TGM3: variants seen among roughly 807,000 people sequenced by gnomAD.
TGM3 encodes protein-glutamine gamma-glutamyltransferase E.
Under a neutral mutation model 73.8 loss-of-function variants are expected in TGM3, and 52 were observed. The ratio of observed to expected loss-of-function variants is 0.70; its 90% CI spans 0.56 to 0.89. TGM3 has a LOEUF of 0.89. TGM3 is among the 40% of genes least tolerant of loss of function. The probability of loss-of-function intolerance (pLI) is 0.00; values close to 1 mark genes in which losing one functional copy is unlikely to be tolerated. For missense variants in TGM3, 928 were observed against 909.9 expected (o/e 1.02, Z -0.26); for synonymous variants, 372 against 354.9 (o/e 1.05, Z -0.54).
rs1441127864 is a variant in TGM3, at chr20:2,317,436, T to C, written c.934T>C (p.Tyr312His). The C allele has an allele frequency of 1.9e-6, 3 of 1,614,240 alleles. No individual in the cohort carries two copies. The highest frequency in any genetic ancestry group is 2.5e-6 in the Non-Finnish European group (3 of 1,180,040). Residue 312 changes from tyrosine (Y) to histidine (H), a missense_variant, in exon 7 of 13, where the codon TAC (tyrosine) becomes CAC (histidine). By Grantham distance (83) the Tyr-to-His change is moderately conservative. Transcript: ENST00000381458. The part of the protein sequence containing the change: ...DTDRNLSVDV[Y>H]YDPMGNPLDK... The stretch of plus-strand genomic sequence containing the variant: ...AGACCGAAATCTCAGTGTGGATGTG[T>C]ACTACGACCCCATGGGAAACCCCCT...
Position 2,311,070 on chromosome 20 carries a change from G to A in TGM3, c.481G>A (p.Gly161Ser), listed in dbSNP as rs138092626. Reference sequence around the variant, plus strand: ...AGAAGAGTATGTTCAGGAAGATGCCGGCATCATCTTTGTGGGAAGCACAAA... The same window carrying A: ...AGAAGAGTATGTTCAGGAAGATGCCAGCATCATCTTTGTGGGAAGCACAAA... ...EREEYVQEDA[G>S]IIFVGSTNRI... Residue 161 changes from glycine to serine, a missense_variant, in exon 4 of 13, where the codon GGC becomes AGC. Gly to Ser is a moderately conservative substitution (Grantham distance 56, BLOSUM62 0). Transcript: ENST00000381458. 255 of 1,614,096 alleles carry A rather than the reference G, an allele frequency of 1.6e-4. No homozygotes were observed. Among genetic ancestry groups the A allele is most frequent in the Non-Finnish European group, 2.0e-4 (234 of 1,179,990 alleles).
chr20:2,329,737 C>G (rs1287775126), intron 9 of TGM3, among the ~76,000 whole-genome samples: 1 of 152,128 alleles, frequency 6.6e-6, no homozygotes, highest in Non-Finnish European at 1.5e-5. Flanking sequence ...ATCTCTGAGC[C>G]CTCGCTTCCT....
intron 5 of TGM3, among the ~76,000 whole-genome samples, chr20:2,314,980 A>C (rs2084225525): frequency 6.6e-6 from 1 of 152,148 alleles, no homozygotes; most frequent in South Asian, 2.1e-4. Flanking sequence ...TGAGTCTTAG[A>C]CTGAGCCTGG....
intron 1 of TGM3, among the ~76,000 whole-genome samples, chr20:2,299,968 C>T (rs567199615): frequency 3.3e-5 from 5 of 152,056 alleles, no homozygotes; most frequent in African/African-American, 1.2e-4. Flanking sequence ...TGCTGGCACG[C>T]ACTTGTAGTC....
At chr20:2,296,513 G>A (rs888976230) in intron 1 of TGM3, among the ~76,000 whole-genome samples, 3 of 152,032 alleles carry the variant, frequency 2.0e-5, no homozygotes, top group Non-Finnish European at 4.4e-5. Flanking sequence ...GAGTGAGAGT[G>A]GTAACATGTA....
intron 1 of TGM3, among the ~76,000 whole-genome samples, chr20:2,302,220 G>A (rs1057313825): frequency 1.1e-4 from 17 of 152,088 alleles, no homozygotes; most frequent in East Asian, 3.9e-4. Flanking sequence ...CACACCCAGC[G>A]ACCAAGTCAT....
Position 2,339,896 on chromosome 20 carries a change from A to C in TGM3, c.1843A>C (p.Met615Leu). Reference sequence around the variant, plus strand: ...TGTGCGGAAGCCTGTGAACGTGCAGATGCTCTTCTCCAATCCACTGGATGA... The same window carrying C: ...TGTGCGGAAGCCTGTGAACGTGCAGCTGCTCTTCTCCAATCCACTGGATGA... ...ARVRKPVNVQ[M>L]LFSNPLDEPV... The change falls in exon 12 of 13, where the codon ATG becomes CTG. Residue 615 changes from methionine to leucine, a missense_variant. Coordinates refer to ENST00000381458, the MANE Select transcript of TGM3 (RefSeq NM_003245.4). The C allele has an allele frequency of 6.2e-7, 1 of 1,614,084 alleles. No individual in the cohort carries two copies.
intron 1 of TGM3, among the ~76,000 whole-genome samples, chr20:2,306,000 T>G (rs576854814): frequency 6.6e-6 from 1 of 152,196 alleles, no homozygotes; most frequent in African/African-American, 2.4e-5. Flanking sequence ...ACCCCTCATA[T>G]TCTTCCTGCA....
At chr20:2,296,912 C>T (rs149795986) in intron 1 of TGM3, among the ~76,000 whole-genome samples, 13 of 152,268 alleles carry the variant, frequency 8.5e-5, no homozygotes, top group Admixed American at 2.0e-4. Flanking sequence ...TTGTGAATGG[C>T]GATTAGGGCT....
In TGM3 at chr20:2,313,555, C is replaced by T. The variant is rs916469629; in HGVS notation, c.669+529C>T. ...GAGCTGAAGTGGCTTGCTCAAGGCA[C>T]ACGGCATGCAAGTCAGACCAGAACA... On this transcript the variant is annotated intron_variant, in intron 5 of 12. Coordinates refer to ENST00000381458, the MANE Select transcript of TGM3 (RefSeq NM_003245.4). Among the ~76,000 whole-genome samples, 4 of 152,306 alleles carry T rather than the reference C, an allele frequency of 2.6e-5. No individual in the cohort carries two copies. The East Asian group carries it at 5.8e-4, about 22-fold the overall frequency.
At chr20:2,306,634 G>A (rs1347900315) in intron 1 of TGM3, among the ~76,000 whole-genome samples, 1 of 151,948 alleles carries the variant, frequency 6.6e-6, no homozygotes, top group Non-Finnish European at 1.5e-5. Flanking sequence ...GCGCCACCAT[G>A]CCAGGCTAAT....
chr20:2,309,829 A>G lies in TGM3; in HGVS notation c.180A>G (p.Thr60=). ...SNERLEFIVS[T]GPYPSESAMT... ...AAAGACTGGAGTTCATTGTCTCCAC[A>G]GGTACCTGCTCATTCCCCTCCTTGC... is the stretch of plus-strand genomic sequence containing the variant. Residue 60 remains threonine (T), a splice_region_variant and synonymous_variant, in exon 2 of 13, where the codon ACA becomes ACG. Coordinates refer to ENST00000381458, the MANE Select transcript of TGM3 (RefSeq NM_003245.4). 2 of 1,614,174 alleles carry G rather than the reference A, an allele frequency of 1.2e-6. No homozygotes were observed. The highest frequency in any genetic ancestry group is 2.2e-5 in the East Asian group (1 of 44,886).
At chr20:2,321,705 AC>A (rs1463526122) in intron 7 of TGM3, among the ~76,000 whole-genome samples, 1 of 152,058 alleles carries the variant, frequency 6.6e-6, no homozygotes, top group East Asian at 1.9e-4. Context: ...TGCTCCTGAA[AC>A]CCTCAGGAAA....
At position 2,334,469 on chromosome 20, in the gene TGM3, A is replaced by C. The variant is rs2084337300; in HGVS notation, c.1643-647A>C. Among the ~76,000 whole-genome samples the C allele has an allele frequency of 6.6e-6, 1 of 152,182 alleles. No individual in the cohort carries two copies. Among genetic ancestry groups the C allele is most frequent in the South Asian group, 2.1e-4 (1 of 4,832 alleles). On this transcript the variant is annotated intron_variant, in intron 10 of 12. Coordinates refer to ENST00000381458, the MANE Select transcript of TGM3 (RefSeq NM_003245.4). The surrounding 1 kb of genome is among the most constrained non-coding windows in gnomAD (Gnocchi z 4.0). The stretch of plus-strand genomic sequence containing the variant: ...ATGATTTAGAAGAACTAGAGACCAG[A>C]CCAGAGGAATGAAGGGGATGCTGTG...
Position 2,309,766 on chromosome 20 carries a change from G to C in TGM3, c.117G>C (p.Gln39His). Residue 39 changes from glutamine (Q) to histidine (H), a missense_variant, in exon 2 of 13, where the codon CAG becomes CAC. Transcript: ENST00000381458. The part of the protein sequence containing the change: ...ELILRRGQNF[Q>H]VLMIMNKGLG... ...TCTTGCGGAGAGGCCAAAACTTCCA[G>C]GTCTTAATGATCATGAACAAAGGCC... 1.2e-6 allele frequency: 2 copies of C among 1,614,226 alleles called. No individual in the cohort carries two copies. The highest frequency in any genetic ancestry group is 8.5e-7 in the Non-Finnish European group (1 of 1,180,036).
chr20:2,321,053 G>A (rs1025005938), intron 7 of TGM3, among the ~76,000 whole-genome samples: 4 of 152,122 alleles, frequency 2.6e-5, no homozygotes, highest in Non-Finnish European at 4.4e-5. Flanking sequence ...ATCTCTCCAC[G>A]GCCTCTGCCT....
At chr20:2,331,605 T>C (rs1473355020) in intron 9 of TGM3, among the ~76,000 whole-genome samples, 1 of 152,242 alleles carries the variant, frequency 6.6e-6, no homozygotes, top group African/African-American at 2.4e-5. Context: ...TTTTGGCTTA[T>C]GAATGTATTC....
chr20:2,315,555 G>A (rs2084228894), intron 5 of TGM3, among the ~76,000 whole-genome samples: 1 of 152,262 alleles, frequency 6.6e-6, no homozygotes, highest in Non-Finnish European at 1.5e-5. Flanking sequence ...TGTCCAGACT[G>A]TCCATTCTCA....
intron 11 of TGM3, among the ~76,000 whole-genome samples, chr20:2,336,143 C>T (rs1004650404): frequency 6.6e-6 from 1 of 152,208 alleles, no homozygotes; most frequent in African/African-American, 2.4e-5. Context: ...TCGTGCCACT[C>T]TGTGTCTTCC....
Sources: gnomAD v4.1 joint callset for allele counts (sites outside exome capture counted in the v4.1 genomes callset) on GRCh38, gnomAD v4.1.1 for gene constraint, Gnocchi (gnomAD v3.1) non-coding constraint, MANE v1.5 for transcripts, NCBI Gene and HGNC (gene_info 2026-07-23, HGNC 2026-07-21) for gene names.